Variants in NELL2 observed in about 807,000 individuals in gnomAD.
NELL2 encodes the protein protein kinase C-binding protein NELL2.
NELL2 carries 41 observed loss-of-function variants against 109.6 expected under a neutral mutation model. The ratio of observed to expected loss-of-function variants is 0.37; its 90% CI spans 0.29 to 0.49. NELL2 has a LOEUF of 0.49. NELL2 is among the 20% of genes least tolerant of loss of function. NELL2 has a pLI of 0.98. For synonymous variants in NELL2, 355 were observed against 344.7 expected, an observed-to-expected ratio of 1.03 and a Z score of -0.33; for missense variants, 900 against 1,008.3, an observed-to-expected ratio of 0.89 and a Z score of 1.45.
chr12:44,876,969 G>T, upstream of NELL2: 1 of 1,073,832 alleles, frequency 9.3e-7, no homozygotes, highest in Non-Finnish European at 1.2e-6. Flanking sequence ...GGCGCGGAGA[G>T]CGCAGAGAAC....
intron 9 of NELL2, among the ~76,000 whole-genome samples, chr12:44,771,339 G>GTTTT (rs140341898): frequency 4.1e-4 from 61 of 147,968 alleles, no homozygotes; most frequent in African/African-American, 1.5e-3. Context: ...ATAACAGATG[G>GTTTT]TTTTTTTAAA....
chr12:44,762,431 C>T (rs576350369), intron 9 of NELL2, among the ~76,000 whole-genome samples: 1 of 152,310 alleles, frequency 6.6e-6, no homozygotes, highest in South Asian at 2.1e-4. Flanking sequence ...CATCCAAAAC[C>T]TAATCATTTC....
chr12:44,896,613 A>C (rs552024481), intron 1 of NELL2, among the ~76,000 whole-genome samples: 1 of 152,248 alleles, frequency 6.6e-6, no homozygotes, highest in Admixed American at 6.5e-5. Context: ...AGCAATATGT[A>C]ATTGATTTTA....
intron 15 of NELL2, among the ~76,000 whole-genome samples, chr12:44,587,284 A>AAAAACAAAAAAAAATATATATATAT: frequency 2.8e-5 from 2 of 72,204 alleles, no homozygotes; most frequent in Non-Finnish European, 5.4e-5. Flanking sequence ...AAAAAAAAAA[A>AAAAACAAAAAAAAATATATATATAT]ATATATATAT....
chr12:44,714,001 A>C (rs1419291547), intron 10 of NELL2, among the ~76,000 whole-genome samples: 1 of 151,984 alleles, frequency 6.6e-6, no homozygotes, highest in African/African-American at 2.4e-5. Context: ...CATATAGAAT[A>C]AGGATTTTAA....
Position 44,816,041 on chromosome 12 carries a change from T to C in NELL2, c.280A>G (p.Lys94Glu). The change falls in exon 3 of 20, where the codon AAA (lysine) becomes GAA (glutamate). Residue 94 changes from lysine (K) to glutamate (E), a missense_variant. Transcript: ENST00000429094. The part of the protein sequence containing the change: ...KHEFTILVTL[K>E]QTHLNSGVIL... ...ACTCCTGAATTTAAGTGGGTCTGTT[T>C]TAGGGTCACCAAAATAGTAAATTCA... 1 of 1,613,790 alleles carries C rather than the reference T, an allele frequency of 6.2e-7. No homozygotes were observed. Among genetic ancestry groups the C allele is most frequent in the Non-Finnish European group, 8.5e-7 (1 of 1,179,918 alleles).
At chr12:44,894,376 T>C (rs1426426836) in intron 1 of NELL2, among the ~76,000 whole-genome samples, 1 of 151,932 alleles carries the variant, frequency 6.6e-6, no homozygotes. Context: ...TTGACAGAAA[T>C]GGAAGAAAAA....
chr12:44,877,864 C>A (rs1196909206), upstream of NELL2, among the ~76,000 whole-genome samples: 4 of 151,894 alleles, frequency 2.6e-5, no homozygotes, highest in African/African-American at 9.7e-5. Flanking sequence ...TGCAATTTCC[C>A]AAATTTGAAA....
At chr12:44,863,485 G>A (rs188399013) in intron 2 of NELL2, among the ~76,000 whole-genome samples, 9 of 151,382 alleles carry the variant, frequency 5.9e-5, no homozygotes, top group East Asian at 1.9e-4. Flanking sequence ...TACAGACGAG[G>A]AGAGAGCTGG....
chr12:44,523,423 C>T lies in NELL2; in HGVS notation c.1866G>A (p.Leu622=). The T allele has an allele frequency of 6.2e-7, 1 of 1,614,098 alleles. No individual in the cohort carries two copies. The highest frequency in any genetic ancestry group is 1.3e-5 in the African/African-American group (1 of 75,018). The change falls in exon 17 of 20, where the codon TTG becomes TTA. Residue 622 remains leucine (L), a synonymous_variant. Coordinates refer to ENST00000429094, the MANE Select transcript of NELL2 (RefSeq NM_001145108.2). ...GACATCGACAATCATATCCGCCATC[C>T]AAATTGAAGCAAATGGTATCATTGG... The part of the protein sequence containing the change: ...SCANDTICFN[L]DGGYDCRCPH...
At chr12:44,512,928 AT>A (rs1941065682) in intron 19 of NELL2, among the ~76,000 whole-genome samples, 2 of 151,996 alleles carry the variant, frequency 1.3e-5, no homozygotes, top group South Asian at 4.1e-4. Flanking sequence ...ATTAATAATA[AT>A]TTATTGTATA....
chr12:44,752,221 T>C (rs1322259345), intron 9 of NELL2, among the ~76,000 whole-genome samples: 1 of 152,232 alleles, frequency 6.6e-6, no homozygotes, highest in Non-Finnish European at 1.5e-5. Flanking sequence ...TAGAAAGCAA[T>C]ACAGAGAAGA....
At chr12:44,837,345 G>A (rs1356403082) in intron 2 of NELL2, among the ~76,000 whole-genome samples, 1 of 152,106 alleles carries the variant, frequency 6.6e-6, no homozygotes, top group African/African-American at 2.4e-5. Context: ...GTCCTCCAGG[G>A]GAACCTCATC....
At chr12:44,880,156 GAA>G (rs1555232237), upstream of NELL2, among the ~76,000 whole-genome samples, 20,388 of 142,806 alleles carry the variant, frequency 0.14, 1,562 homozygotes, top group East Asian at 0.23. Context: ...GAGAGAGAGA[GAA>G]AAACAGAGAA....
intron 1 of NELL2, among the ~76,000 whole-genome samples, chr12:44,888,785 G>A (rs112813419): frequency 2.1e-4 from 32 of 151,518 alleles, no homozygotes; most frequent in African/African-American, 6.3e-4. Flanking sequence ...AACATTCTTC[G>A]TATTCACCAA....
At chr12:44,623,757 C>A (rs1186165384) in intron 13 of NELL2, among the ~76,000 whole-genome samples, 1 of 152,094 alleles carries the variant, frequency 6.6e-6, no homozygotes, top group East Asian at 1.9e-4. Context: ...ATGCCCTTGG[C>A]CTCTGGGATT....
chr12:44,697,977 T>G lies in NELL2; in HGVS notation c.1318+5749A>C, dbSNP rs185595173. Among the ~76,000 whole-genome samples the G allele has an allele frequency of 2.6e-3, 392 of 152,294 alleles. 4 individuals carry two copies. The highest frequency in any genetic ancestry group is 8.5e-3 in the African/African-American group (355 of 41,566). ...GCTCCTCACCTAGCTGCTGGTGCTT[T>G]GCTAGTGATTTTGGTTTTCCTTGGC... On this transcript the variant is annotated intron_variant, in intron 12 of 19. Transcript: ENST00000429094.
chr12:44,734,681 G>T (rs1272341262), intron 9 of NELL2, among the ~76,000 whole-genome samples: 1 of 151,228 alleles, frequency 6.6e-6, no homozygotes, highest in African/African-American at 2.4e-5. Flanking sequence ...GGGTCCTTTG[G>T]GATAATAGAA....
chr12:44,791,096 T>TATAC (rs1491151191), intron 3 of NELL2, among the ~76,000 whole-genome samples: 316 of 23,860 alleles, frequency 0.013, 15 homozygotes, highest in East Asian at 0.041. Context: ...TATATATATA[T>TATAC]GTATATATAT....
Sources: gnomAD v4.1 joint callset for allele counts (sites outside exome capture counted in the v4.1 genomes callset) on GRCh38, gnomAD v4.1.1 for gene constraint, MANE v1.5 for transcripts, NCBI Gene and HGNC (gene_info 2026-07-23, HGNC 2026-07-21) for gene names.